TNS1: variants seen among roughly 807,000 people sequenced by gnomAD.
The protein encoded by TNS1 is tensin 1, also known as tensin-1.
A neutral mutation model predicts 168.6 loss-of-function variants in TNS1; 62 were observed. The ratio of observed to expected loss-of-function variants is 0.37; its 90% CI spans 0.30 to 0.45. The LOEUF (loss-of-function observed/expected upper bound fraction) is 0.45. Ranked by LOEUF, TNS1 falls within the 20% of genes least tolerant of loss-of-function variation. TNS1 has a pLI of 1.00. For missense variants in TNS1, 2,240 were observed against 2,339.4 expected (o/e 0.96, Z 0.88); for synonymous variants, 934 against 933.2 (o/e 1.00, Z -0.02).
intron 1 of TNS1, among the ~76,000 whole-genome samples, chr2:218,025,431 G>A (rs1958842308): frequency 6.6e-6 from 1 of 152,020 alleles, no homozygotes; most frequent in South Asian, 2.1e-4. Flanking sequence ...TGTGTTTTTA[G>A]TAGAGACTGG....
chr2:217,840,247 G>A (rs1945766940), intron 19 of TNS1, among the ~76,000 whole-genome samples: 1 of 152,222 alleles, frequency 6.6e-6, no homozygotes, highest in Admixed American at 6.5e-5. Flanking sequence ...CCCTGACCCA[G>A]CCTCCAGTGT....
chr2:217,868,335 C>CTT (rs1949470893), intron 18 of TNS1, among the ~76,000 whole-genome samples: 1 of 152,168 alleles, frequency 6.6e-6, no homozygotes, highest in Non-Finnish European at 1.5e-5. Context: ...GGAGGCAGGA[C>CTT]CCCTGAGCAG....
chr2:217,888,391 C>T (rs986245953), intron 12 of TNS1, among the ~76,000 whole-genome samples: 1 of 152,180 alleles, frequency 6.6e-6, no homozygotes, highest in Non-Finnish European at 1.5e-5. Context: ...TGCACTTCCA[C>T]ATCTGGGCTC....
intron 22 of TNS1, among the ~76,000 whole-genome samples, chr2:217,828,173 G>A (rs997849671): frequency 2.0e-5 from 3 of 152,198 alleles, no homozygotes; most frequent in Non-Finnish European, 2.9e-5. Context: ...GAGCAAGGAG[G>A]GGCCGTTCCC....
At chr2:217,846,004 C>T (rs1559592) in intron 19 of TNS1, among the ~76,000 whole-genome samples, 60,474 of 151,446 alleles carry the variant, frequency 0.4, 12,977 homozygotes, top group African/African-American at 0.58. Flanking sequence ...CCTCTCACCT[C>T]AAAAAAACCA....
At chr2:218,021,633 A>C (rs1958807259) in intron 1 of TNS1, among the ~76,000 whole-genome samples, 1 of 152,028 alleles carries the variant, frequency 6.6e-6, no homozygotes, top group Non-Finnish European at 1.5e-5. Context: ...CTCTCTGCCC[A>C]CGTGTTGCCC....
intron 18 of TNS1, among the ~76,000 whole-genome samples, chr2:217,872,006 A>T (rs1463101588): frequency 6.6e-6 from 1 of 152,274 alleles, no homozygotes; most frequent in African/African-American, 2.4e-5. Context: ...GACTGGTTGC[A>T]GACCCACCAC....
chr2:217,810,956 C>A (rs542036723), intron 28 of TNS1, among the ~76,000 whole-genome samples: 72 of 151,752 alleles, frequency 4.7e-4, no homozygotes, highest in African/African-American at 1.7e-3. Context: ...CAGCTCACTG[C>A]AGCCTCAAAC....
intron 3 of TNS1, among the ~76,000 whole-genome samples, chr2:217,953,659 G>A (rs1384229791): frequency 1.1e-4 from 16 of 152,068 alleles, no homozygotes; most frequent in African/African-American, 3.6e-4. Flanking sequence ...CAAAGAGCCC[G>A]CTCCCACCTC....
intron 18 of TNS1, chr2:217,859,717 A>G (rs1948601846): frequency 6.5e-7 from 1 of 1,529,130 alleles, no homozygotes; most frequent in Non-Finnish European, 8.8e-7. Context: ...GAAATCATGA[A>G]TAGCAGAGTA....
intron 18 of TNS1, among the ~76,000 whole-genome samples, chr2:217,869,084 A>T (rs957737081): frequency 1.3e-5 from 2 of 152,220 alleles, no homozygotes; most frequent in African/African-American, 4.8e-5. Context: ...CAGACCCCAG[A>T]TCCCTTGAAG....
At chr2:217,855,595 C>G (rs550498527) in intron 18 of TNS1, among the ~76,000 whole-genome samples, 1 of 152,160 alleles carries the variant, frequency 6.6e-6, no homozygotes, top group East Asian at 1.9e-4. Context: ...TCCCTAGGGC[C>G]GGTTCCCAGA....
intron 1 of TNS1, among the ~76,000 whole-genome samples, chr2:218,022,169 G>A (rs547452622): frequency 6.6e-6 from 1 of 152,270 alleles, no homozygotes; most frequent in East Asian, 1.9e-4. Context: ...AGAGGGGGCA[G>A]GAGAGGGAGA....
chr2:217,960,309 G>A (rs1957466065), intron 3 of TNS1, among the ~76,000 whole-genome samples: 2 of 152,088 alleles, frequency 1.3e-5, no homozygotes, highest in African/African-American at 4.8e-5. Flanking sequence ...GTGGTCAAGT[G>A]TGCTGCCAAG....
At chr2:218,009,628 G>A (rs1958688619) in intron 1 of TNS1, among the ~76,000 whole-genome samples, 1 of 151,884 alleles carries the variant, frequency 6.6e-6, no homozygotes, top group African/African-American at 2.4e-5. Context: ...CCGTCCCCCA[G>A]CCACCCCATT....
At position 218,019,549 on chromosome 2, in the gene TNS1, C is replaced by T. The variant is rs1035954353; in HGVS notation, c.156+14271G>A. Among the ~76,000 whole-genome samples, 5 of 152,348 alleles carry T rather than the reference C, an allele frequency of 3.3e-5. No homozygotes were observed. The East Asian group carries it at 9.7e-4, about 29-fold the overall frequency. On this transcript the variant is annotated intron_variant, in intron 1 of 1. Coordinates refer to the TNS1 transcript ENST00000649572. ...GGAGGAGGACTCACGGGGCCTCTTT[C>T]CACCCTTGGGTCTCTTTCTAGGCCC...
upstream of TNS1, among the ~76,000 whole-genome samples, chr2:218,005,121 C>T (rs1007465240): frequency 2.6e-5 from 4 of 152,242 alleles, no homozygotes; most frequent in Non-Finnish European, 2.9e-5. Flanking sequence ...CCCTGACATC[C>T]CAGTGCCCAC....
At chr2:217,832,199 G>GTCCTGTCTCAATGTGGGGCTC (rs1246790744) in intron 21 of TNS1, among the ~76,000 whole-genome samples, 5 of 152,228 alleles carry the variant, frequency 3.3e-5, no homozygotes, top group African/African-American at 1.2e-4. Context: ...CCAAACCTCA[G>GTCCTGTCTCAATGTGGGGCTC]TGTCCTGGAA....
intron 1 of TNS1, among the ~76,000 whole-genome samples, chr2:218,000,619 G>T (rs536628464): frequency 6.6e-6 from 1 of 152,230 alleles, no homozygotes; most frequent in Non-Finnish European, 1.5e-5. Flanking sequence ...GCACTTTACA[G>T]ATCAAGAAAT....
Sources: allele counts gnomAD v4.1 joint callset (sites outside exome capture counted in the v4.1 genomes callset), GRCh38; gene constraint gnomAD v4.1.1; transcripts MANE v1.5; gene names NCBI Gene and HGNC (gene_info 2026-07-23, HGNC 2026-07-21).